Variants in TMEM9 observed in about 807,000 individuals in gnomAD.
TMEM9 encodes the protein transmembrane protein 9, also known as proton-transporting V-type ATPase complex assembly regulator TMEM9.
Under a neutral mutation model 22.8 loss-of-function variants are expected in TMEM9, and 13 were observed. The observed-to-expected ratio is 0.57, with a 90% CI of 0.37 to 0.91. The LOEUF (loss-of-function observed/expected upper bound fraction) is 0.91, where lower values mean the gene tolerates loss of function less well. TMEM9 is among the 40% of genes least tolerant of loss of function. The pLI is 0.01. For synonymous variants in TMEM9, 88 were observed against 93.0 expected (o/e 0.95, Z 0.31); for missense variants, 182 against 238.1 (o/e 0.76, Z 1.55).
At chr1:201,156,850 G>A (rs1179005267), upstream of TMEM9, among the ~76,000 whole-genome samples, 1 of 152,158 alleles carries the variant, frequency 6.6e-6, no homozygotes, top group Non-Finnish European at 1.5e-5. Context: ...GGTACCCCAG[G>A]GATACAACAG....
intron 1 of TMEM9, among the ~76,000 whole-genome samples, chr1:201,168,159 T>C (rs1666123563): frequency 6.6e-6 from 1 of 152,238 alleles, no homozygotes; most frequent in African/African-American, 2.4e-5. Flanking sequence ...ACTTATCCAT[T>C]CTATTGCAGC....
intron 1 of TMEM9, among the ~76,000 whole-genome samples, chr1:201,164,874 T>C (rs1383362562): frequency 1.3e-5 from 2 of 151,846 alleles, no homozygotes; most frequent in Non-Finnish European, 2.9e-5. Flanking sequence ...ACTCTAATTG[T>C]CTTTGCTTGC....
At chr1:201,149,232 C>T (rs546624962) in intron 2 of TMEM9, among the ~76,000 whole-genome samples, 33 of 152,258 alleles carry the variant, frequency 2.2e-4, no homozygotes, top group African/African-American at 7.9e-4. Context: ...GGCCTCGGTT[C>T]CCTCATTTAT....
At chr1:201,166,103 T>A (rs1249381741) in intron 1 of TMEM9, among the ~76,000 whole-genome samples, 1 of 152,136 alleles carries the variant, frequency 6.6e-6, no homozygotes, top group Admixed American at 6.5e-5. Flanking sequence ...ACAGGCACCA[T>A]CCTATAAAAT....
At chr1:201,160,879 T>C (rs1012603266) in intron 1 of TMEM9, among the ~76,000 whole-genome samples, 2 of 149,042 alleles carry the variant, frequency 1.3e-5, no homozygotes, top group African/African-American at 5.0e-5. Flanking sequence ...GAGCTTGCAG[T>C]GAGCCGAGAT....
chr1:201,148,968 AG>A (rs2102265681), intron 2 of TMEM9, among the ~76,000 whole-genome samples: 2 of 152,334 alleles, frequency 1.3e-5, no homozygotes, highest in East Asian at 3.9e-4. Context: ...TCCCTTCTCC[AG>A]GAAGTCTCTA....
rs991593431 is a variant in TMEM9 at position 201,154,219 on chromosome 1, G to T, written c.-296C>A. 5 of 322,764 alleles carry T rather than the reference G, an allele frequency of 1.5e-5. No individual in the cohort carries two copies. Among genetic ancestry groups the T allele is most frequent in the Middle Eastern group, 8.4e-4 (1 of 1,186 alleles). 20.0% of individuals were successfully genotyped at this position (322,764 alleles called of 1,614,324 possible). A position where few individuals can be genotyped will look rare whatever the true frequency, so the allele number is the denominator to read the frequency against. ...GGCCTCCAGTTCCTTCTCAAGGCCC[G>T]GCTCTGACCCGCGCATCACGTCCCA... On this transcript the variant is annotated 5_prime_UTR_variant, in exon 1 of 5. Coordinates refer to ENST00000367330, the MANE Select transcript of TMEM9 (RefSeq NM_001288565.2).
chr1:201,168,909 A>G (rs545864484), intron 1 of TMEM9, among the ~76,000 whole-genome samples: 98 of 150,580 alleles, frequency 6.5e-4, no homozygotes, highest in African/African-American at 2.2e-3. Context: ...CTCCCACCTT[A>G]GTCTCCCAAG....
At chr1:201,141,903 G>A (rs935704905) in intron 4 of TMEM9, among the ~76,000 whole-genome samples, 2 of 152,114 alleles carry the variant, frequency 1.3e-5, no homozygotes, top group Non-Finnish European at 2.9e-5. Flanking sequence ...GACATAACAA[G>A]GCCATGCCCC....
chr1:201,170,639 T>TG (rs1457574425), intron 1 of TMEM9, among the ~76,000 whole-genome samples: 1 of 152,162 alleles, frequency 6.6e-6, no homozygotes, highest in African/African-American at 2.4e-5. Flanking sequence ...TCAAGCCCTG[T>TG]GGTAGACACC....
intron 4 of TMEM9, among the ~76,000 whole-genome samples, chr1:201,141,602 G>A (rs1037416280): frequency 6.6e-6 from 1 of 152,088 alleles, no homozygotes; most frequent in African/African-American, 2.4e-5. Flanking sequence ...GAGAGGTGAG[G>A]GCGTGTCATC....
At chr1:201,160,644 G>A (rs1231427247) in intron 1 of TMEM9, among the ~76,000 whole-genome samples, 7 of 82,506 alleles carry the variant, frequency 8.5e-5, no homozygotes, top group Admixed American at 1.3e-4. Context: ...TTTTAAAATC[G>A]AGGACCCTAG....
At chr1:201,160,643 C>T (rs746779699) in intron 1 of TMEM9, among the ~76,000 whole-genome samples, 1 of 79,038 alleles carries the variant, frequency 1.3e-5, no homozygotes, top group African/African-American at 3.9e-5. Flanking sequence ...TTTTTAAAAT[C>T]GAGGACCCTA....
intron 1 of TMEM9, among the ~76,000 whole-genome samples, chr1:201,164,147 A>G (rs1666015007): frequency 6.6e-6 from 1 of 152,244 alleles, no homozygotes; most frequent in African/African-American, 2.4e-5. Flanking sequence ...AAAAGTTTGC[A>G]TACTGTATGA....
At chr1:201,138,170 C>A (rs1344642276) in intron 4 of TMEM9, among the ~76,000 whole-genome samples, 1 of 152,148 alleles carries the variant, frequency 6.6e-6, no homozygotes, top group Non-Finnish European at 1.5e-5. Context: ...GCAGCTTTAG[C>A]CCTGCCCTCC....
chr1:201,138,603 C>T (rs767746190), intron 4 of TMEM9, among the ~76,000 whole-genome samples: 1 of 152,190 alleles, frequency 6.6e-6, no homozygotes, highest in Non-Finnish European at 1.5e-5. Flanking sequence ...AGAGCTTGGA[C>T]ATGGATGGAT....
intron 4 of TMEM9, among the ~76,000 whole-genome samples, chr1:201,142,473 G>A (rs1304056109): frequency 6.6e-6 from 1 of 152,206 alleles, no homozygotes; most frequent in African/African-American, 2.4e-5. Context: ...TCCTCATATT[G>A]TGTTAAATCT....
chr1:201,136,560 T>C (rs1291262629), intron 4 of TMEM9, among the ~76,000 whole-genome samples: 1 of 152,120 alleles, frequency 6.6e-6, no homozygotes, highest in Admixed American at 6.5e-5. Context: ...CTCTGGCCCA[T>C]TCCCTCCTTT....
At chr1:201,139,870 G>C (rs1225891066) in intron 4 of TMEM9, among the ~76,000 whole-genome samples, 4 of 143,926 alleles carry the variant, frequency 2.8e-5, no homozygotes, top group Non-Finnish European at 6.4e-5. Context: ...GTAAATGGCA[G>C]GGCTCGGCCC....
Sources: gnomAD v4.1 joint callset for allele counts (sites outside exome capture counted in the v4.1 genomes callset) on GRCh38, gnomAD v4.1.1 for gene constraint, MANE v1.5 for transcripts, NCBI Gene and HGNC (gene_info 2026-07-23, HGNC 2026-07-21) for gene names.